Variants in PHC3 observed in about 807,000 individuals in gnomAD.
PHC3 encodes the protein polyhomeotic-like protein 3.
A neutral mutation model predicts 107.4 loss-of-function variants in PHC3; 13 were observed. The ratio of observed to expected loss-of-function variants is 0.12; its 90% CI spans 0.08 to 0.19. PHC3 has a LOEUF of 0.19. Among genes scored for constraint, PHC3 ranks in the 10% least tolerant of loss-of-function variants. The pLI, the probability that PHC3 is intolerant of heterozygous loss-of-function variation, is 1.00. For missense variants in PHC3, 992 were observed against 1,210.9 expected (o/e 0.82, Z 2.68); for synonymous variants, 456 against 427.4 (o/e 1.07, Z -0.83).
chr3:170,116,069 T>C (rs114385751), intron 10 of PHC3, among the ~76,000 whole-genome samples: 2,292 of 152,318 alleles, frequency 0.015, 49 homozygotes, highest in African/African-American at 0.052. Flanking sequence ...TGTTTATCTC[T>C]AGATATTAGC....
At chr3:170,117,838 A>G (rs1179796680) in intron 9 of PHC3, among the ~76,000 whole-genome samples, 1 of 151,204 alleles carries the variant, frequency 6.6e-6, no homozygotes, top group Non-Finnish European at 1.5e-5. Context: ...CTACTAAAAA[A>G]AAAACCAAAA....
rs147142006 is a variant in PHC3 at position 170,100,567 on chromosome 3, T to C, written c.2833+1912A>G. 3.9e-5 allele frequency among the ~76,000 whole-genome samples: 6 copies of C among 152,320 alleles called. No individual in the cohort carries two copies. In the East Asian group the frequency reaches 1.2e-3, roughly 29 times the overall value. ...TAGTAAGCAATTCTAAATTATATAATAGCTGTGTCCTTTTTATGATATATA... is the reference window on the plus strand; with the variant it reads ...TAGTAAGCAATTCTAAATTATATAACAGCTGTGTCCTTTTTATGATATATA... On this transcript the variant is annotated intron_variant, in intron 14 of 14. Coordinates refer to ENST00000495893, the MANE Select transcript of PHC3 (RefSeq NM_024947.4).
intron 1 of PHC3, among the ~76,000 whole-genome samples, 192 bp downstream of exon 1, chr3:170,181,510 G>GT (rs1232607148): frequency 6.6e-6 from 1 of 152,126 alleles, no homozygotes; most frequent in East Asian, 1.9e-4. Context: ...TGCCTGGAGG[G>GT]TAACTGGACC....
intron 4 of PHC3, 54 bp from the exon 5 acceptor site, chr3:170,149,298 CT>C (rs1325828087): frequency 1.3e-6 from 2 of 1,525,080 alleles, no homozygotes; most frequent in Non-Finnish European, 8.9e-7. Flanking sequence ...TTCCATGTTA[CT>C]GAATTTCACA....
intron 4 of PHC3, among the ~76,000 whole-genome samples, chr3:170,161,345 G>A (rs1313783832): frequency 1.3e-5 from 2 of 152,040 alleles, no homozygotes; most frequent in African/African-American, 2.4e-5. Flanking sequence ...CCACACACTG[G>A]GTCACTTAAA....
chr3:170,120,524 G>A (rs945305885), intron 9 of PHC3, among the ~76,000 whole-genome samples: 63 of 151,580 alleles, frequency 4.2e-4, no homozygotes, highest in African/African-American at 1.5e-3. Flanking sequence ...AGTGAGCCGA[G>A]ATCATGCCAC....
chr3:170,142,588 T>C (rs779151591), intron 6 of PHC3, among the ~76,000 whole-genome samples: 14 of 152,230 alleles, frequency 9.2e-5, no homozygotes, highest in Non-Finnish European at 1.8e-4. Flanking sequence ...GTCCAAGTCA[T>C]ACAATAAATG....
At chr3:170,115,700 T>C (rs1718795103) in intron 10 of PHC3, among the ~76,000 whole-genome samples, 1 of 152,200 alleles carries the variant, frequency 6.6e-6, no homozygotes, top group South Asian at 2.1e-4. Flanking sequence ...TATGCACATT[T>C]AGTTCTCTCG....
intron 14 of PHC3, among the ~76,000 whole-genome samples, chr3:170,099,633 C>A (rs955370805): frequency 6.6e-6 from 1 of 152,118 alleles, no homozygotes; most frequent in Non-Finnish European, 1.5e-5. Flanking sequence ...TCAGCACAGG[C>A]AAGGACCTCT....
At chr3:170,161,093 C>G (rs546045305) in intron 4 of PHC3, among the ~76,000 whole-genome samples, 1 of 152,236 alleles carries the variant, frequency 6.6e-6, no homozygotes, top group East Asian at 1.9e-4. Context: ...TTTTTAAGTA[C>G]CTACTATGTG....
intron 1 of PHC3, among the ~76,000 whole-genome samples, chr3:170,179,422 A>C (rs945618272): frequency 1.3e-5 from 2 of 152,194 alleles, no homozygotes; most frequent in Non-Finnish European, 2.9e-5. Context: ...TTACCATATA[A>C]ACTTTGCTTA....
chr3:170,132,262 G>A (rs761568787), intron 7 of PHC3, among the ~76,000 whole-genome samples: 12 of 152,050 alleles, frequency 7.9e-5, no homozygotes, highest in Non-Finnish European at 1.5e-4. Context: ...AAGGTGATAG[G>A]GTACTATACC....
chr3:170,108,179 C>T (rs967239783), intron 11 of PHC3, among the ~76,000 whole-genome samples: 4 of 152,250 alleles, frequency 2.6e-5, no homozygotes, highest in African/African-American at 9.6e-5. Flanking sequence ...AAGCATTTTA[C>T]TGAAAAGCAT....
At chr3:170,135,690 T>C (rs1448792154) in intron 7 of PHC3, among the ~76,000 whole-genome samples, 2 of 148,120 alleles carry the variant, frequency 1.4e-5, no homozygotes, top group African/African-American at 4.9e-5. Flanking sequence ...AAAAAAAAGG[T>C]AGGATCAACA....
At chr3:170,179,970 G>A (rs1487498535) in intron 1 of PHC3, among the ~76,000 whole-genome samples, 2 of 152,000 alleles carry the variant, frequency 1.3e-5, no homozygotes, top group African/African-American at 4.8e-5. Flanking sequence ...TAGCAGCACT[G>A]ATAAAAATGT....
chr3:170,168,072 G>C (rs1432028834), intron 4 of PHC3, among the ~76,000 whole-genome samples: 1 of 152,032 alleles, frequency 6.6e-6, no homozygotes, highest in Non-Finnish European at 1.5e-5. Context: ...TGAGGTAGGA[G>C]GATCACTTGA....
intron 4 of PHC3, chr3:170,170,352 G>C (rs890226740): frequency 6.7e-6 from 1 of 149,978 alleles, no homozygotes; most frequent in Non-Finnish European, 1.5e-5. Context: ...ACTAGAGGAA[G>C]GAGAAAGACC....
Position 170,113,360 on chromosome 3 carries a change from C to A in PHC3, c.2353G>T (p.Glu785Ter). The A allele has an allele frequency of 6.2e-7, 1 of 1,601,012 alleles. No homozygotes were observed. The change falls in exon 11 of 15, where the codon GAG becomes TAG. Residue 785 changes from glutamate to a stop codon, truncating the protein, a stop_gained and splice_region_variant. Transcript: ENST00000495893. LOFTEE classifies it high-confidence loss of function. ...DTEMEDMIAE[E>*]TLEEMDSELL... ...GGTATCTTAAGTGAAACCCACAAAC[C>A]TTCAGCAATCATGTCTTCCATCTCT...
At chr3:170,114,456 T>C (rs188542843) in intron 10 of PHC3, among the ~76,000 whole-genome samples, 3 of 152,352 alleles carry the variant, frequency 2.0e-5, no homozygotes, top group Non-Finnish European at 4.4e-5. Context: ...ATTGGATGTA[T>C]TTTCTGGATA....
Sources: gnomAD v4.1 joint callset for allele counts (sites outside exome capture counted in the v4.1 genomes callset) on GRCh38, gnomAD v4.1.1 for gene constraint, MANE v1.5 for transcripts, NCBI Gene and HGNC (gene_info 2026-07-23, HGNC 2026-07-21) for gene names.